UTP4: variants seen among roughly 807,000 people sequenced by gnomAD.
The protein encoded by UTP4 is UTP4 small subunit processome component.
A neutral mutation model predicts 82.4 loss-of-function variants in UTP4; 45 were observed. The observed-to-expected ratio is 0.55, with a 90% CI of 0.43 to 0.70. The LOEUF (loss-of-function observed/expected upper bound fraction) is 0.70. UTP4 is among the 30% of genes least tolerant of loss of function. UTP4 has a pLI of 0.00. For synonymous variants in UTP4, 348 were observed against 300.3 expected, an observed-to-expected ratio of 1.16 and a Z score of -1.64; for missense variants, 819 against 858.3, an observed-to-expected ratio of 0.95 and a Z score of 0.57.
Position 69,146,110 on chromosome 16 carries a change from GA to G in UTP4, c.738+2730del, listed in dbSNP as rs1243888957. Among the ~76,000 whole-genome samples the G allele has an allele frequency of 7.5e-5, 11 of 146,684 alleles. No individual in the cohort carries two copies. In the East Asian group the frequency reaches 9.9e-4, roughly 13 times the overall value. ...AGACTCTGTCTCAAAAAAAAAAAAAGAAAAAAAAAGATATTCCAAACTTTAG... is the reference window on the plus strand; with the variant it reads ...AGACTCTGTCTCAAAAAAAAAAAAAGAAAAAAAAGATATTCCAAACTTTAG... On this transcript the variant is annotated intron_variant, in intron 6 of 16. Transcript: ENST00000314423.
At chr16:69,134,199 G>A (rs541190025) in intron 2 of UTP4, among the ~76,000 whole-genome samples, 2 of 152,110 alleles carry the variant, frequency 1.3e-5, no homozygotes, top group African/African-American at 2.4e-5. Flanking sequence ...GATTTTCTTC[G>A]GGTGCAACAT....
intron 9 of UTP4, 150 bp from the exon 10 acceptor site, chr16:69,154,243 C>A: frequency 1.5e-6 from 1 of 659,072 alleles, no homozygotes; most frequent in South Asian, 1.9e-5. Context: ...ATATACCCCT[C>A]AAAAATTGTG....
chr16:69,150,582 C>A lies in UTP4; in HGVS notation c.784C>A (p.His262Asn). 6.2e-7 allele frequency: 1 copy of A among 1,614,216 alleles called. No individual in the cohort carries two copies. Among genetic ancestry groups the A allele is most frequent in the Non-Finnish European group, 8.5e-7 (1 of 1,180,028 alleles). The change falls in exon 7 of 17, where the codon CAT (histidine) becomes AAT (asparagine). Residue 262 changes from histidine (H) to asparagine (N), a missense_variant. Physicochemically the swap from His to Asn is moderately conservative, Grantham distance 68 (BLOSUM62 1). Coordinates refer to ENST00000314423, the MANE Select transcript of UTP4 (RefSeq NM_032830.3). ...GGGCACAGCCGAGGGAACAGTCTTC[C>A]ATTTTCAGCTGGTCCCTGTGACATC... ...VVGTAEGTVFHFQLVPVTSNS... is the reference protein window; with the variant it reads ...VVGTAEGTVFNFQLVPVTSNS...
chr16:69,140,045 G>A (rs751464294), intron 5 of UTP4, 131 bp downstream of exon 5: 1 of 742,676 alleles, frequency 1.3e-6, no homozygotes, highest in Non-Finnish European at 2.5e-6. Context: ...CTTCTGAGAT[G>A]TCCACAATTA....
intron 12 of UTP4, among the ~76,000 whole-genome samples, chr16:69,158,589 AC>A: frequency 6.6e-6 from 1 of 152,306 alleles, no homozygotes; most frequent in South Asian, 2.1e-4. Context: ...TGTTTTTATT[AC>A]AAAACTTAGG....
intron 13 of UTP4, 86 bp downstream of exon 13, chr16:69,160,548 C>T (rs1963537447): frequency 2.1e-6 from 2 of 936,746 alleles, no homozygotes; most frequent in African/African-American, 1.6e-5. Context: ...GGCAGATTGG[C>T]ATGACCTGGA....
chr16:69,153,626 T>C lies in UTP4; in HGVS notation c.1045T>C (p.Phe349Leu). Residue 349 changes from phenylalanine to leucine, a missense_variant, in exon 9 of 17, where the codon TTC becomes CTC. Coordinates refer to ENST00000314423, the MANE Select transcript of UTP4 (RefSeq NM_032830.3). ...SCSKKRQLLL[F>L]QFAHHLELWR... The stretch of plus-strand genomic sequence containing the variant: ...TTCTAAAAAGAGGCAGCTTCTCCTC[T>C]TCCAGTTTGCTCATCACTTAGAACT... 1 of 1,613,642 alleles carries C rather than the reference T, an allele frequency of 6.2e-7. No homozygotes were observed. Among genetic ancestry groups the C allele is most frequent in the Non-Finnish European group, 8.5e-7 (1 of 1,179,782 alleles).
intron 16 of UTP4, among the ~76,000 whole-genome samples, chr16:69,168,290 G>T (rs1963751071): frequency 6.6e-6 from 1 of 152,036 alleles, no homozygotes; most frequent in Non-Finnish European, 1.5e-5. Flanking sequence ...CAAAAAATTA[G>T]CCGGGCGTGG....
At chr16:69,138,121 G>A (rs948258534) in intron 4 of UTP4, 4 of 526,568 alleles carry the variant, frequency 7.6e-6, no homozygotes, top group African/African-American at 3.8e-5. Context: ...TGGAAAGCTA[G>A]TGTTTCTGTG....
In UTP4 at chr16:69,136,704, A is replaced by G. The variant is rs1271502026; in HGVS notation, c.168A>G (p.Pro56=). The G allele has an allele frequency of 3.1e-6, 5 of 1,613,942 alleles. No individual in the cohort carries two copies. In the South Asian group the frequency reaches 3.3e-5, roughly 11 times the overall value. ...TTATGGTGTTTCTGCAGTTTTTCCC[A>G]GGTCATGAGTCTCGGGCTACAGAAG... ...SANYFQEKFF[P]GHESRATEAL... Residue 56 remains proline, a synonymous_variant, in exon 3 of 17, where the codon CCA becomes CCG. Coordinates refer to ENST00000314423, the MANE Select transcript of UTP4 (RefSeq NM_032830.3).
intron 12 of UTP4, among the ~76,000 whole-genome samples, chr16:69,160,109 T>C (rs933000104): frequency 7.2e-5 from 11 of 152,238 alleles, no homozygotes; most frequent in African/African-American, 2.7e-4. Flanking sequence ...AGCAGTGTCT[T>C]AGGCCTGAGG....
intron 9 of UTP4, 143 bp from the exon 10 acceptor site, chr16:69,154,250 T>C (rs972287021): frequency 1.5e-6 from 1 of 670,054 alleles, no homozygotes; most frequent in South Asian, 1.9e-5. Flanking sequence ...CCTCAAAAAT[T>C]GTGAGCTTAC....
chr16:69,154,209 A>G (rs2288039), intron 9 of UTP4, among the ~76,000 whole-genome samples, 184 bp from the exon 10 acceptor site: 48,164 of 152,026 alleles, frequency 0.32, 8,249 homozygotes, highest in African/African-American at 0.45. Context: ...TAGAAGCAAA[A>G]GAAGTACTCA....
chr16:69,168,238 C>T (rs550616491), intron 16 of UTP4, among the ~76,000 whole-genome samples: 11 of 152,070 alleles, frequency 7.2e-5, no homozygotes, highest in African/African-American at 2.7e-4. Context: ...AGATCGAGAC[C>T]ATCCTGGCTA....
At chr16:69,141,901 A>G (rs1456163215) in intron 5 of UTP4, among the ~76,000 whole-genome samples, 1 of 151,680 alleles carries the variant, frequency 6.6e-6, no homozygotes, top group Non-Finnish European at 1.5e-5. Context: ...GGTTAGTTAC[A>G]TATGTATACA....
At chr16:69,135,721 A>G (rs1225547317) in intron 2 of UTP4, among the ~76,000 whole-genome samples, 1 of 152,106 alleles carries the variant, frequency 6.6e-6, no homozygotes, top group African/African-American at 2.4e-5. Flanking sequence ...GTGTCAAAAA[A>G]AATAAATAAA....
At chr16:69,166,840 G>T in intron 15 of UTP4, 1 of 546,014 alleles carries the variant, frequency 1.8e-6, no homozygotes, top group Non-Finnish European at 3.3e-6. Context: ...GTGGCTGCAA[G>T]AGTAGCTTCA....
At chr16:69,136,244 T>C (rs1962810933) in intron 2 of UTP4, among the ~76,000 whole-genome samples, 1 of 152,154 alleles carries the variant, frequency 6.6e-6, no homozygotes, top group African/African-American at 2.4e-5. Context: ...ACGAAAACTT[T>C]TGGGTTGGGT....
Position 69,159,613 on chromosome 16 carries a change from G to A in UTP4, c.1445-743G>A, listed in dbSNP as rs539595724. ...TGAGGCAGGAGAATGGCTTGAACCC[G>A]AGAGGCAGAGGTTGCAGTGAGCCGA... On this transcript the variant is annotated intron_variant, in intron 12 of 16. Coordinates refer to ENST00000314423, the MANE Select transcript of UTP4 (RefSeq NM_032830.3). Among the ~76,000 whole-genome samples the A allele has an allele frequency of 3.9e-5, 6 of 152,086 alleles. No homozygotes were observed. In the South Asian group the frequency reaches 6.2e-4, roughly 16 times the overall value.
Sources: gnomAD v4.1 joint callset for allele counts (sites outside exome capture counted in the v4.1 genomes callset) on GRCh38, gnomAD v4.1.1 for gene constraint, MANE v1.5 for transcripts, NCBI Gene and HGNC (gene_info 2026-07-23, HGNC 2026-07-21) for gene names.